DFFB: variants seen among roughly 807,000 people sequenced by gnomAD.
The protein encoded by DFFB is DNA fragmentation factor 40 kDa subunit.
Under a neutral mutation model 32.7 loss-of-function variants are expected in DFFB, and 29 were observed. The observed-to-expected ratio is 0.89, with a 90% CI of 0.66 to 1.21. The LOEUF (loss-of-function observed/expected upper bound fraction) is 1.21, where lower values mean the gene tolerates loss of function less well. Ranked by LOEUF, DFFB falls within the 50% of genes most tolerant of loss-of-function variation. The probability of loss-of-function intolerance (pLI) is 0.00; values close to 1 mark genes in which losing one functional copy is unlikely to be tolerated. For missense variants in DFFB, 398 were observed against 440.6 expected (o/e 0.90, Z 0.87); for synonymous variants, 170 against 177.1 (o/e 0.96, Z 0.32).
Position 3,884,683 on chromosome 1 carries a change from T to G in DFFB, c.*942T>G, listed in dbSNP as rs10909817. On this transcript the variant is annotated 3_prime_UTR_variant, in exon 7 of 7. Transcript: ENST00000378209. ...CCTCTCAGGTTCAAGTGGTTCTCCT[T>G]CCTCAGCCTCCCAAGTAGCTGGGAT... is the stretch of plus-strand genomic sequence containing the variant. 109,593 of 152,052 alleles carry G rather than the reference T, an allele frequency of 0.72. 39,862 individuals carry two copies. Among genetic ancestry groups the G allele is most frequent in the Non-Finnish European group, 0.75 (51,056 of 68,020 alleles). 9.4% of individuals were successfully genotyped at this position (152,052 alleles called of 1,614,324 possible).
In DFFB at chr1:3,869,664, C is replaced by T. The variant is rs147533456; in HGVS notation, c.570C>T (p.Leu190=). Residue 190 remains leucine, a synonymous_variant, in exon 5 of 7, where the codon CTC becomes CTT. Coordinates refer to ENST00000378209, the MANE Select transcript of DFFB (RefSeq NM_004402.4). ...CTCAGGAGGAATTCCTGCGGGTCCT[C>T]GGCTCCATGTGCCAGAGGCTCCGGT... The part of the protein sequence containing the change: ...AEAQEEFLRV[L]GSMCQRLRSM... The T allele has an allele frequency of 1.9e-4, 305 of 1,613,466 alleles. 1 individual carries two copies. The highest frequency in any genetic ancestry group is 2.3e-4 in the Non-Finnish European group (268 of 1,179,872).
At chr1:3,874,096 G>A (rs1487494366) in intron 6 of DFFB, among the ~76,000 whole-genome samples, 2 of 152,146 alleles carry the variant, frequency 1.3e-5, no homozygotes, top group African/African-American at 2.4e-5. Flanking sequence ...TACATACATG[G>A]TGGCCCACGC....
Position 3,865,296 on chromosome 1 carries a change from C to G in DFFB, c.242-516C>G, listed in dbSNP as rs750332276. On this transcript the variant is annotated intron_variant, in intron 2 of 6. Coordinates refer to ENST00000378209, the MANE Select transcript of DFFB (RefSeq NM_004402.4). The surrounding 1 kb of genome is among the most constrained non-coding windows in gnomAD (Gnocchi z 4.7). ...TGCAGGTGTGAACCAGCCTTGCGTT[C>G]CCACTTGGCCGTGGTGATATTTCTT... is the stretch of plus-strand genomic sequence containing the variant. 3.3e-5 allele frequency among the ~76,000 whole-genome samples: 5 copies of G among 152,182 alleles called. No homozygotes were observed. Among genetic ancestry groups the G allele is most frequent in the Non-Finnish European group, 5.9e-5 (4 of 68,036 alleles).
chr1:3,880,255 G>A (rs541342571), intron 6 of DFFB, among the ~76,000 whole-genome samples: 2 of 152,324 alleles, frequency 1.3e-5, no homozygotes, highest in African/African-American at 4.8e-5. Flanking sequence ...GTTAGTGCTT[G>A]GGGAAGGTAG....
At chr1:3,866,359 G>A (rs953018086) in intron 3 of DFFB, 2 of 311,912 alleles carry the variant, frequency 6.4e-6, no homozygotes, top group Non-Finnish European at 1.3e-5. Context: ...AGGTTAAAGC[G>A]ATTCTCCTGC....
At chr1:3,873,824 A>C (rs1450623432) in intron 6 of DFFB, among the ~76,000 whole-genome samples, 3 of 152,120 alleles carry the variant, frequency 2.0e-5, no homozygotes, top group Non-Finnish European at 4.4e-5. Flanking sequence ...AGTATAATGT[A>C]AATATTCCAA....
intron 6 of DFFB, among the ~76,000 whole-genome samples, chr1:3,876,148 T>C (rs1057513811): frequency 2.0e-5 from 3 of 152,196 alleles, no homozygotes. Flanking sequence ...CCCTACCCTG[T>C]CTATCCGAAA....
chr1:3,858,951 G>A lies in DFFB; in HGVS notation c.241+107G>A, dbSNP rs1332721271. 4 of 1,481,182 alleles carry A rather than the reference G, an allele frequency of 2.7e-6. No homozygotes were observed. The East Asian group carries it at 9.5e-5, about 35-fold the overall frequency. 91.8% of individuals were successfully genotyped at this position (1,481,182 alleles called of 1,614,324 possible). A position where few individuals can be genotyped will look rare whatever the true frequency, so the allele number is the denominator to read the frequency against. On this transcript the variant is annotated intron_variant, in intron 2 of 6. Transcript: ENST00000378209. ...GGTGGGGAAGAGTCCCCCTTACTGTGAACTCTCGGGTCTCAAGGAGGAAGC... is the reference window on the plus strand; with the variant it reads ...GGTGGGGAAGAGTCCCCCTTACTGTAAACTCTCGGGTCTCAAGGAGGAAGC...
Position 3,857,631 on chromosome 1 carries a change from C to T in DFFB, c.28C>T (p.Leu10=), listed in dbSNP as rs760067256. The part of the protein sequence containing the change: MLQKPKSVK[L]RALRSPRKFG... ...GCTCCAGAAGCCCAAGAGCGTGAAG[C>T]TGCGGGCCCTGCGCAGCCCGAGGAA... Residue 10 remains leucine, a synonymous_variant, in exon 1 of 7, where the codon CTG becomes TTG. Transcript: ENST00000378209. 5.6e-6 allele frequency: 9 copies of T among 1,601,710 alleles called. No homozygotes were observed. The South Asian group carries it at 1.0e-4, about 18-fold the overall frequency.
At chr1:3,868,128 T>C in intron 4 of DFFB, 75 bp downstream of exon 4, 1 of 1,319,248 alleles carries the variant, frequency 7.6e-7, no homozygotes, top group South Asian at 1.2e-5. Context: ...AAGCCTGTGG[T>C]CCTCACGATG....
intron 2 of DFFB, among the ~76,000 whole-genome samples, chr1:3,860,840 T>A (rs955713923): frequency 6.6e-6 from 1 of 152,116 alleles, no homozygotes; most frequent in Admixed American, 6.6e-5. Context: ...ATGTTCTCCA[T>A]GTCTATAATT....
intron 6 of DFFB, 30 bp downstream of exon 6, chr1:3,872,602 C>A: frequency 1.3e-6 from 2 of 1,590,632 alleles, no homozygotes; most frequent in Non-Finnish European, 1.7e-6. Flanking sequence ...TTCAGACCCA[C>A]GAGTGCCTGC....
chr1:3,860,364 C>A (rs1207181897), intron 2 of DFFB: 3 of 363,872 alleles, frequency 8.2e-6, no homozygotes, highest in African/African-American at 6.2e-5. Flanking sequence ...GTATCTGGGA[C>A]CACAGGCATG....
chr1:3,868,056 G>A lies in DFFB; in HGVS notation c.510+3G>A, dbSNP rs767370905. On this transcript the variant is annotated splice_donor_region_variant and intron_variant, in intron 4 of 6. Coordinates refer to ENST00000378209, the MANE Select transcript of DFFB (RefSeq NM_004402.4). The stretch of plus-strand genomic sequence containing the variant: ...GGATCCGGAGTTACCTGAGGGAGGT[G>A]AGCCTGAGTGAAGACCGGGTATGCT... 5.0e-6 allele frequency: 8 copies of A among 1,613,920 alleles called. No homozygotes were observed. Among genetic ancestry groups the A allele is most frequent in the Non-Finnish European group, 6.8e-6 (8 of 1,179,846 alleles).
At chr1:3,858,916 T>A (rs116193268) in intron 2 of DFFB, 72 bp downstream of exon 2, 1 of 1,583,424 alleles carries the variant, frequency 6.3e-7, no homozygotes, top group African/African-American at 1.3e-5. Flanking sequence ...TAGCTCCAGG[T>A]GCCCATCAGG....
chr1:3,867,683 T>C, intron 3 of DFFB: 8 of 342,426 alleles, frequency 2.3e-5, no homozygotes, highest in Non-Finnish European at 2.8e-5. Context: ...TGAGACCTCA[T>C]CTCTAAAAAC....
In DFFB at chr1:3,884,673, T is replaced by C. The variant is rs1262297023; in HGVS notation, c.*932T>C. The C allele has an allele frequency of 2.0e-5, 3 of 152,090 alleles. No homozygotes were observed. Among genetic ancestry groups the C allele is most frequent in the Non-Finnish European group, 4.4e-5 (3 of 68,050 alleles). 9.4% of individuals were successfully genotyped at this position (152,090 alleles called of 1,614,324 possible). A position where few individuals can be genotyped will look rare whatever the true frequency, so the allele number is the denominator to read the frequency against. On this transcript the variant is annotated 3_prime_UTR_variant, in exon 7 of 7. Coordinates refer to ENST00000378209, the MANE Select transcript of DFFB (RefSeq NM_004402.4). ...GCAACCTCCGCCTCTCAGGTTCAAG[T>C]GGTTCTCCTTCCTCAGCCTCCCAAG...
intron 4 of DFFB, among the ~76,000 whole-genome samples, chr1:3,868,501 T>C (rs1441448833): frequency 6.6e-6 from 1 of 151,526 alleles, no homozygotes; most frequent in East Asian, 1.9e-4. Flanking sequence ...CGCTCCCTCC[T>C]CCCTCCCAAA....
In DFFB at chr1:3,869,686, C is replaced by T. The variant is rs766885861; in HGVS notation, c.592C>T (p.Arg198Trp). 1.5e-5 allele frequency: 24 copies of T among 1,613,344 alleles called. No homozygotes were observed. Among genetic ancestry groups the T allele is most frequent in the Admixed American group, 3.3e-5 (2 of 59,988 alleles). ...RVLGSMCQRLRSMQYNGSYFD... is the reference protein window; with the variant it reads ...RVLGSMCQRLWSMQYNGSYFD... ...CCTCGGCTCCATGTGCCAGAGGCTC[C>T]GGTCCATGCAGTACAATGGCAGCTA... Residue 198 changes from arginine (R) to tryptophan (W), a missense_variant, in exon 5 of 7, where the codon CGG becomes TGG. Physicochemically the swap from Arg to Trp is moderately radical, Grantham distance 101. Coordinates refer to ENST00000378209, the MANE Select transcript of DFFB (RefSeq NM_004402.4).
Sources: gnomAD v4.1 joint callset for allele counts (sites outside exome capture counted in the v4.1 genomes callset) on GRCh38, gnomAD v4.1.1 for gene constraint, Gnocchi (gnomAD v3.1) non-coding constraint, MANE v1.5 for transcripts, NCBI Gene and HGNC (gene_info 2026-07-23, HGNC 2026-07-21) for gene names.